The following UBAC2 variants were observed in gnomAD, a reference collection of about 807,000 sequenced individuals.
UBAC2 encodes the protein ubiquitin-associated domain-containing protein 2.
Under a neutral mutation model 44.0 loss-of-function variants are expected in UBAC2, and 26 were observed. The observed-to-expected ratio is 0.59, with a 90% CI of 0.43 to 0.82. UBAC2 has a LOEUF of 0.82. UBAC2 is among the 40% of genes least tolerant of loss of function. UBAC2 has a pLI of 0.00. For missense variants in UBAC2, 329 were observed against 419.4 expected, an observed-to-expected ratio of 0.78 and a Z score of 1.88; for synonymous variants, 155 against 154.3, an observed-to-expected ratio of 1.00 and a Z score of -0.04.
intron 2 of UBAC2, among the ~76,000 whole-genome samples, chr13:99,243,083 AAG>A (rs2043338876): frequency 6.6e-6 from 1 of 152,194 alleles, no homozygotes; most frequent in African/African-American, 2.4e-5. Context: ...TAAAAATACA[AAG>A]AAAAGTTGGA....
intron 4 of UBAC2, among the ~76,000 whole-genome samples, chr13:99,297,414 A>G (rs556069359): frequency 4.6e-5 from 7 of 152,280 alleles, no homozygotes; most frequent in African/African-American, 1.4e-4. Flanking sequence ...CTTAAAGACT[A>G]TCTCTACCCT....
rs6491495 is a variant in UBAC2, at chr13:99,292,431, T to A, written c.390-21666T>A. On this transcript the variant is annotated intron_variant, in intron 4 of 8. Coordinates refer to ENST00000403766, the MANE Select transcript of UBAC2 (RefSeq NM_001144072.2). Reference sequence around the variant, plus strand: ...TGCAGGGATTACAGGCATGAGCCACTGCGCCCAGCTGGGGTTATATTCCTA... The same window carrying A: ...TGCAGGGATTACAGGCATGAGCCACAGCGCCCAGCTGGGGTTATATTCCTA... Among the ~76,000 whole-genome samples, 25 of 151,994 alleles carry A rather than the reference T, an allele frequency of 1.6e-4. No individual in the cohort carries two copies. In the South Asian group the frequency reaches 4.6e-3, roughly 28 times the overall value.
intron 8 of UBAC2, among the ~76,000 whole-genome samples, chr13:99,374,193 A>G (rs919433117): frequency 1.3e-5 from 2 of 152,198 alleles, no homozygotes; most frequent in Admixed American, 6.5e-5. Context: ...AATAACTGAT[A>G]GGTTAACATT....
In UBAC2 at chr13:99,355,144, CTCTGTTTCTGTCAAAACAT is replaced by C. The variant is rs558351189; in HGVS notation, c.808-12641_808-12623del. ...TCTCATTTTTAATTAGGAGTTTCACCTCTGTTTCTGTCAAAACATTTACTGTAACAAGTACCAAAACTAA... is the reference window on the plus strand; with the variant it reads ...TCTCATTTTTAATTAGGAGTTTCACCTTACTGTAACAAGTACCAAAACTAA... On this transcript the variant is annotated intron_variant, in intron 7 of 8. Coordinates refer to ENST00000403766, the MANE Select transcript of UBAC2 (RefSeq NM_001144072.2). Among the ~76,000 whole-genome samples the C allele has an allele frequency of 4.5e-3, 682 of 152,294 alleles. 1 individual carries two copies. Among genetic ancestry groups the C allele is most frequent in the Non-Finnish European group, 7.4e-3 (505 of 68,012 alleles).
intron 4 of UBAC2, among the ~76,000 whole-genome samples, chr13:99,266,850 C>T (rs981986571): frequency 6.6e-5 from 10 of 152,172 alleles, no homozygotes; most frequent in Admixed American, 6.5e-4. Context: ...CTCTTCAGTC[C>T]CTACTTTCAG....
intron 1 of UBAC2, among the ~76,000 whole-genome samples, chr13:99,207,020 T>C (rs549872557): frequency 1.3e-5 from 2 of 152,342 alleles, no homozygotes; most frequent in Admixed American, 1.3e-4. Flanking sequence ...TTCCCTGTCT[T>C]TTCTAGCACC....
intron 1 of UBAC2, among the ~76,000 whole-genome samples, chr13:99,209,804 T>A (rs1481594047): frequency 6.6e-6 from 1 of 152,094 alleles, no homozygotes; most frequent in Non-Finnish European, 1.5e-5. Flanking sequence ...TGAAACCCTA[T>A]CTCTACTAAA....
At chr13:99,384,971 C>G (rs1175672739) in intron 8 of UBAC2, among the ~76,000 whole-genome samples, 2 of 152,228 alleles carry the variant, frequency 1.3e-5, no homozygotes, top group African/African-American at 4.8e-5. Context: ...GCCACTTTAC[C>G]CTCAGAAGCC....
At chr13:99,235,711 A>C (rs1368834133) in intron 1 of UBAC2, among the ~76,000 whole-genome samples, 1 of 152,212 alleles carries the variant, frequency 6.6e-6, no homozygotes. Flanking sequence ...GCAGTGGCTC[A>C]TGCCTATCAT....
chr13:99,205,676 G>C (rs374485400), intron 1 of UBAC2: 4 of 155,332 alleles, frequency 2.6e-5, no homozygotes, highest in African/African-American at 9.6e-5. Context: ...CTGGTGCGCT[G>C]ATGAGAGAAG....
At chr13:99,354,043 C>A (rs904736753) in intron 7 of UBAC2, among the ~76,000 whole-genome samples, 1 of 152,254 alleles carries the variant, frequency 6.6e-6, no homozygotes, top group Non-Finnish European at 1.5e-5. Context: ...TGTGTGCACA[C>A]GTGCAGTGCC....
intron 4 of UBAC2, among the ~76,000 whole-genome samples, chr13:99,257,718 TAA>T (rs2043590241): frequency 6.6e-6 from 1 of 152,170 alleles, no homozygotes; most frequent in Non-Finnish European, 1.5e-5. Flanking sequence ...TAAAAACCAT[TAA>T]GTTATTTCAT....
intron 8 of UBAC2, among the ~76,000 whole-genome samples, chr13:99,371,326 A>G (rs922927361): frequency 3.9e-5 from 6 of 152,218 alleles, no homozygotes; most frequent in East Asian, 1.9e-4. Context: ...TTTCTTATAC[A>G]TTGATTTTCT....
chr13:99,368,930 A>T (rs1402493911), intron 8 of UBAC2, among the ~76,000 whole-genome samples: 4 of 152,196 alleles, frequency 2.6e-5, no homozygotes, highest in East Asian at 1.9e-4. Flanking sequence ...AAAGTAAGGA[A>T]GTGATCAGTC....
intron 1 of UBAC2, among the ~76,000 whole-genome samples, chr13:99,214,854 G>A (rs530242157): frequency 1.3e-5 from 2 of 152,182 alleles, no homozygotes; most frequent in African/African-American, 2.4e-5. Context: ...AGGGTTTGAG[G>A]CCCCACTGCT....
intron 4 of UBAC2, among the ~76,000 whole-genome samples, chr13:99,296,914 A>G (rs1215058868): frequency 1.3e-5 from 2 of 152,176 alleles, no homozygotes; most frequent in African/African-American, 2.4e-5. Context: ...GATCCATGCA[A>G]TCTATACTTC....
At chr13:99,369,069 A>G (rs1203348586) in intron 8 of UBAC2, among the ~76,000 whole-genome samples, 1 of 152,194 alleles carries the variant, frequency 6.6e-6, no homozygotes, top group African/African-American at 2.4e-5. Context: ...TAGTAGATAA[A>G]TATTTATATA....
chr13:99,251,723 A>C (rs1027880821), intron 4 of UBAC2, among the ~76,000 whole-genome samples: 6 of 152,150 alleles, frequency 3.9e-5, no homozygotes, highest in African/African-American at 1.4e-4. Context: ...TTGCCATCAG[A>C]CCAGATTTGA....
At chr13:99,365,801 T>C (rs1159976439) in intron 7 of UBAC2, among the ~76,000 whole-genome samples, 1 of 152,214 alleles carries the variant, frequency 6.6e-6, no homozygotes, top group Non-Finnish European at 1.5e-5. Context: ...TTATTTTTTG[T>C]CTGGTTGATC....
Sources: allele counts gnomAD v4.1 joint callset (sites outside exome capture counted in the v4.1 genomes callset), GRCh38; gene constraint gnomAD v4.1.1; transcripts MANE v1.5; gene names NCBI Gene and HGNC (gene_info 2026-07-23, HGNC 2026-07-21).